The following PRR16 variants were observed in gnomAD, a reference collection of about 807,000 sequenced individuals.
PRR16 encodes proline rich 16.
PRR16 carries 6 observed loss-of-function variants against 18.2 expected under a neutral mutation model. That is an observed-to-expected ratio of 0.33 (90% confidence interval 0.18 to 0.65). The LOEUF is 0.65. Among genes scored for constraint, PRR16 ranks in the 30% least tolerant of loss-of-function variants. The pLI, the probability that PRR16 is intolerant of heterozygous loss-of-function variation, is 0.74. For missense variants in PRR16, 412 were observed against 376.6 expected, an observed-to-expected ratio of 1.09 and a Z score of -0.78; for synonymous variants, 151 against 147.8, an observed-to-expected ratio of 1.02 and a Z score of -0.16.
the PRR16 span, among the ~76,000 whole-genome samples, chr5:120,711,190 T>C: frequency 6.6e-6 from 1 of 152,244 alleles, no homozygotes; most frequent in Non-Finnish European, 1.5e-5. Context: ...TCATCTGCAA[T>C]TTTAATTCCC....
At chr5:120,502,010 C>G (rs1211016011) in intron 1 of PRR16, among the ~76,000 whole-genome samples, 1 of 133,302 alleles carries the variant, frequency 7.5e-6, no homozygotes, top group Non-Finnish European at 1.6e-5. Flanking sequence ...TAAAAAATTA[C>G]TGTGGAAGAG....
chr5:120,728,702 T>A, the PRR16 span, among the ~76,000 whole-genome samples: 2 of 152,180 alleles, frequency 1.3e-5, no homozygotes, highest in Non-Finnish European at 2.9e-5. Flanking sequence ...GATGGCGTGC[T>A]TTTCTGCATC....
chr5:120,539,185 T>G (rs1405067069), intron 1 of PRR16, among the ~76,000 whole-genome samples: 1 of 151,970 alleles, frequency 6.6e-6, no homozygotes, highest in Non-Finnish European at 1.5e-5. Context: ...TGAAGAATGC[T>G]AGGTTTTTAA....
At chr5:120,746,639 G>A in the PRR16 span, among the ~76,000 whole-genome samples, 1 of 152,092 alleles carries the variant, frequency 6.6e-6, no homozygotes, top group Non-Finnish European at 1.5e-5. Context: ...AACAATAGCT[G>A]CCCAGGTCCT....
chr5:120,720,359 C>T, the PRR16 span, among the ~76,000 whole-genome samples: 201 of 151,980 alleles, frequency 1.3e-3, 1 homozygote, highest in African/African-American at 4.6e-3. Flanking sequence ...CCTTTTGACC[C>T]ATTACCATCT....
the PRR16 span, among the ~76,000 whole-genome samples, chr5:120,784,183 CTCTT>C: frequency 6.6e-6 from 1 of 152,208 alleles, no homozygotes; most frequent in Middle Eastern, 3.4e-3. Context: ...GTGCAGATAT[CTCTT>C]AATATACTGA....
At chr5:120,548,817 G>A (rs140036847) in intron 1 of PRR16, among the ~76,000 whole-genome samples, 5 of 97,072 alleles carry the variant, frequency 5.2e-5, no homozygotes, top group East Asian at 2.5e-4. Flanking sequence ...ACACCACTGC[G>A]TGACTGCCAT....
chr5:120,792,549 AAATGCC>A, the PRR16 span, among the ~76,000 whole-genome samples: 1 of 152,124 alleles, frequency 6.6e-6, no homozygotes, highest in African/African-American at 2.4e-5. Flanking sequence ...TTTTATCTCG[AAATGCC>A]AATGTAGATA....
At chr5:120,754,268 A>G in the PRR16 span, among the ~76,000 whole-genome samples, 1 of 104,216 alleles carries the variant, frequency 9.6e-6, no homozygotes, top group African/African-American at 3.9e-5. Context: ...AAATATAAAT[A>G]TAAAATAATA....
intron 1 of PRR16, among the ~76,000 whole-genome samples, chr5:120,668,506 A>G (rs532727221): frequency 7.3e-5 from 11 of 151,666 alleles, no homozygotes; most frequent in South Asian, 6.3e-4. Flanking sequence ...TATGATGTTA[A>G]CTGGTTATTT....
intron 1 of PRR16, among the ~76,000 whole-genome samples, chr5:120,577,939 C>T (rs569761887): frequency 1.3e-5 from 2 of 152,060 alleles, no homozygotes; most frequent in Non-Finnish European, 2.9e-5. Flanking sequence ...TAAACTAGCA[C>T]TTTCGGAATC....
At chr5:120,775,448 C>A in the PRR16 span, among the ~76,000 whole-genome samples, 1 of 152,042 alleles carries the variant, frequency 6.6e-6, no homozygotes, top group Admixed American at 6.6e-5. Context: ...AAATCCACCC[C>A]CTCGTCTCTA....
chr5:120,584,986 G>C (rs1424998870), intron 1 of PRR16, among the ~76,000 whole-genome samples: 1 of 152,014 alleles, frequency 6.6e-6, no homozygotes, highest in Non-Finnish European at 1.5e-5. Flanking sequence ...TGGTCTTTCT[G>C]CCTCACTAGA....
At chr5:120,749,425 TTGAG>T in the PRR16 span, among the ~76,000 whole-genome samples, 9 of 152,140 alleles carry the variant, frequency 5.9e-5, no homozygotes, top group African/African-American at 1.9e-4. Flanking sequence ...CTACCTGAGC[TTGAG>T]TATGTTTATA....
chr5:120,592,131 T>G (rs577624422), intron 1 of PRR16, among the ~76,000 whole-genome samples: 48 of 151,466 alleles, frequency 3.2e-4, no homozygotes, highest in African/African-American at 9.9e-4. Flanking sequence ...TGTTGCAGTT[T>G]TGCCATACAT....
At chr5:120,562,313 G>C (rs1458408013) in intron 1 of PRR16, among the ~76,000 whole-genome samples, 1 of 151,450 alleles carries the variant, frequency 6.6e-6, no homozygotes, top group Non-Finnish European at 1.5e-5. Flanking sequence ...GCCTTTTTTG[G>C]TTTCCATTGT....
chr5:120,706,379 C>G, the PRR16 span, among the ~76,000 whole-genome samples: 1 of 151,864 alleles, frequency 6.6e-6, no homozygotes, highest in Non-Finnish European at 1.5e-5. Context: ...TATTGAAGAC[C>G]CTTTGCTTTT....
At chr5:120,520,797 A>T (rs1580679465) in intron 1 of PRR16, among the ~76,000 whole-genome samples, 1 of 152,204 alleles carries the variant, frequency 6.6e-6, no homozygotes, top group Non-Finnish European at 1.5e-5. Context: ...TTGAGGATCT[A>T]TTCCACTTGG....
intron 1 of PRR16, among the ~76,000 whole-genome samples, chr5:120,492,793 A>G (rs1230212028): frequency 1.3e-5 from 2 of 152,092 alleles, no homozygotes; most frequent in African/African-American, 4.8e-5. Context: ...TCCCAGTTAT[A>G]AGTGAGGACA....
Sources: allele counts gnomAD v4.1 joint callset (sites outside exome capture counted in the v4.1 genomes callset), GRCh38; gene constraint gnomAD v4.1.1; transcripts MANE v1.5; gene names NCBI Gene and HGNC (gene_info 2026-07-23, HGNC 2026-07-21).